The following IGLON5 variants were observed in gnomAD, a reference collection of about 807,000 sequenced individuals.
IGLON5 encodes Ig-like domain-containing protein ENSP00000270642.
A neutral mutation model predicts 38.2 loss-of-function variants in IGLON5; 16 were observed. The ratio of observed to expected loss-of-function variants is 0.42; its 90% CI spans 0.28 to 0.64. The LOEUF is 0.64. IGLON5 is among the 30% of genes least tolerant of loss of function. The probability of loss-of-function intolerance (pLI) is 0.23; values close to 1 mark genes in which losing one functional copy is unlikely to be tolerated. For missense variants in IGLON5, 366 were observed against 483.4 expected, an observed-to-expected ratio of 0.76 and a Z score of 2.28; for synonymous variants, 207 against 216.4, an observed-to-expected ratio of 0.96 and a Z score of 0.38.
At position 51,326,762 on chromosome 19, in the gene IGLON5, A is replaced by G; in HGVS notation, c.512-2A>G. ...GCCCCCTCCTCCTCCTTCCCCCCAC[A>G]GACGGCTTCACCTCGGAGGGAGAGA... On this transcript the variant is annotated splice_acceptor_variant, in intron 4 of 7. Coordinates refer to ENST00000270642, the MANE Select transcript of IGLON5 (RefSeq NM_001101372.3). LOFTEE classifies it high-confidence loss of function. 6.5e-7 allele frequency: 1 copy of G among 1,546,876 alleles called. No homozygotes were observed. Among genetic ancestry groups the G allele is most frequent in the Non-Finnish European group, 8.7e-7 (1 of 1,145,520 alleles).
chr19:51,319,495 A>T (rs1420570965), intron 1 of IGLON5, among the ~76,000 whole-genome samples: 2 of 151,832 alleles, frequency 1.3e-5, no homozygotes, highest in South Asian at 4.1e-4. Context: ...GTTGGGAATC[A>T]TGGTGCTCGC....
chr19:51,313,165 C>T (rs937859608), intron 1 of IGLON5, among the ~76,000 whole-genome samples: 1 of 152,240 alleles, frequency 6.6e-6, no homozygotes, highest in African/African-American at 2.4e-5. Flanking sequence ...CCACGCAGGA[C>T]GCAGGGACCT....
At chr19:51,323,509 C>G (rs1047423872) in intron 2 of IGLON5, among the ~76,000 whole-genome samples, 153 bp from the exon 3 acceptor site, 3 of 152,240 alleles carry the variant, frequency 2.0e-5, no homozygotes, top group Non-Finnish European at 4.4e-5. Context: ...TCAACTTACC[C>G]CCAGCTGTAT....
Position 51,327,968 on chromosome 19 carries a change from C to T in IGLON5, c.922+82C>T, listed in dbSNP as rs1414582716. The T allele has an allele frequency of 7.2e-7, 1 of 1,381,442 alleles. No homozygotes were observed. Among genetic ancestry groups the T allele is most frequent in the Non-Finnish European group, 9.5e-7 (1 of 1,053,116 alleles). 85.6% of individuals were successfully genotyped at this position (1,381,442 alleles called of 1,614,324 possible). The stretch of plus-strand genomic sequence containing the variant: ...GGGAAGTGGAGACGCCGGGACCGCC[C>T]TTCAGGCTGGCCCTGAACTTAGGAG... On this transcript the variant is annotated intron_variant, in intron 7 of 7. Coordinates refer to ENST00000270642, the MANE Select transcript of IGLON5 (RefSeq NM_001101372.3). The surrounding 1 kb of genome is among the most constrained non-coding windows in gnomAD (Gnocchi z 7.1).
intron 2 of IGLON5, 111 bp downstream of exon 2, chr19:51,322,253 T>C (rs1355650531): frequency 2.3e-6 from 2 of 866,114 alleles, no homozygotes; most frequent in Non-Finnish European, 3.8e-6. Flanking sequence ...ATGGGAAGAC[T>C]TGGGCTCCAC....
intron 1 of IGLON5, among the ~76,000 whole-genome samples, chr19:51,313,882 T>C (rs1323746643): frequency 3.3e-5 from 5 of 151,508 alleles, no homozygotes; most frequent in Non-Finnish European, 7.4e-5. Flanking sequence ...CCACCACACC[T>C]GGCTAATTTT....
chr19:51,312,070 T>TG (rs1984780031), intron 1 of IGLON5, 144 bp downstream of exon 1: 1 of 386,234 alleles, frequency 2.6e-6, no homozygotes. Context: ...GGCCCGGGGG[T>TG]GGGGTCTGCA....
chr19:51,322,131 C>G lies in IGLON5; in HGVS notation c.147C>G (p.Asn49Lys). Residue 49 changes from asparagine to lysine, a missense_variant, in exon 2 of 8, where the codon AAC becomes AAG. Transcript: ENST00000270642. ...ACTACACAGTGTGTGAAGGTGACAACGCCACCCTCAGGTACCTCCCTCGGT... is the reference window on the plus strand; with the variant it reads ...ACTACACAGTGTGTGAAGGTGACAAGGCCACCCTCAGGTACCTCCCTCGGT... Reference protein sequence around the residue: ...ADNYTVCEGDNATLSCFIDEH... With the variant: ...ADNYTVCEGDKATLSCFIDEH... The G allele has an allele frequency of 6.2e-7, 1 of 1,612,048 alleles. No individual in the cohort carries two copies. The highest frequency in any genetic ancestry group is 8.5e-7 in the Non-Finnish European group (1 of 1,179,040).
chr19:51,314,518 G>A (rs867319954), intron 1 of IGLON5, among the ~76,000 whole-genome samples: 3 of 152,074 alleles, frequency 2.0e-5, no homozygotes, highest in South Asian at 2.1e-4. Flanking sequence ...AAATCATTAC[G>A]GGGCTAGACT....
intron 1 of IGLON5, among the ~76,000 whole-genome samples, chr19:51,319,141 C>A (rs1356612249): frequency 1.3e-5 from 2 of 152,190 alleles, no homozygotes; most frequent in African/African-American, 4.8e-5. Context: ...ATAGCAAATC[C>A]TGTGTGTCTG....
chr19:51,315,735 G>A (rs1235607760), intron 1 of IGLON5, among the ~76,000 whole-genome samples: 10 of 124,198 alleles, frequency 8.1e-5, no homozygotes, highest in Admixed American at 4.1e-4. Flanking sequence ...TTGCTCTGTC[G>A]CCCAGGCTGG....
At position 51,326,106 on chromosome 19, in the gene IGLON5, C is replaced by T. The variant is rs774454518; in HGVS notation, c.511+641C>T. On this transcript the variant is annotated intron_variant, in intron 4 of 7. Coordinates refer to ENST00000270642, the MANE Select transcript of IGLON5 (RefSeq NM_001101372.3). ...GCCCTTTTATGTGGATCTCCACCAC[C>T]AGATCCCAGATCCCTGGATCCTCAT... Among the ~76,000 whole-genome samples the T allele has an allele frequency of 3.0e-4, 45 of 152,154 alleles. 1 individual carries two copies. The highest frequency in any genetic ancestry group is 6.5e-4 in the Admixed American group (10 of 15,288).
At chr19:51,315,937 G>T (rs1290612967) in intron 1 of IGLON5, among the ~76,000 whole-genome samples, 1 of 151,826 alleles carries the variant, frequency 6.6e-6, no homozygotes, top group Non-Finnish European at 1.5e-5. Context: ...CTCATGATCC[G>T]CCCGTCTTGG....
In IGLON5 at chr19:51,327,896, C is replaced by G; in HGVS notation, c.922+10C>G. Reference sequence around the variant, plus strand: ...TCCATGCGGCTCCTGCGTGCGTCTTCGGGCGGGGCGGGGCCGGGAAGGTGG... The same window carrying G: ...TCCATGCGGCTCCTGCGTGCGTCTTGGGGCGGGGCGGGGCCGGGAAGGTGG... On this transcript the variant is annotated intron_variant, in intron 7 of 7. Transcript: ENST00000270642. This position sits in a 1 kb window ranked among gnomAD's most constrained non-coding sequence, Gnocchi z 7.1. 1.2e-6 allele frequency: 1 copy of G among 868,148 alleles called. No homozygotes were observed. The highest frequency in any genetic ancestry group is 1.5e-6 in the Non-Finnish European group (1 of 645,178). The allele number at this position is 868,148 out of a possible 1,614,324, so 53.8% of individuals were successfully genotyped here.
intron 2 of IGLON5, among the ~76,000 whole-genome samples, chr19:51,322,404 C>CCAGAGAGAGACT (rs1471594894): frequency 2.3e-4 from 34 of 146,108 alleles, no homozygotes; most frequent in African/African-American, 9.2e-4. Flanking sequence ...GGACAGAGAC[C>CCAGAGAGAGACT]CAGAGAGAAG....
At chr19:51,319,591 G>A (rs1412331562) in intron 1 of IGLON5, among the ~76,000 whole-genome samples, 2 of 152,184 alleles carry the variant, frequency 1.3e-5, no homozygotes, top group East Asian at 1.9e-4. Context: ...GTAATTGTGT[G>A]TGGACTTTGC....
intron 1 of IGLON5, among the ~76,000 whole-genome samples, chr19:51,318,165 G>A (rs770039715): frequency 5.3e-5 from 8 of 152,186 alleles, no homozygotes; most frequent in Non-Finnish European, 1.0e-4. Context: ...ATTTGCATTG[G>A]GGTCTTGAAG....
In IGLON5 at chr19:51,325,303, G is replaced by A. The variant is rs763684580; in HGVS notation, c.392-43G>A. ...CTGAAGGAGGAAGGGCTGGGGGCCT[G>A]GATTCCTGGGCATCCATATTCAGCC... On this transcript the variant is annotated intron_variant, in intron 3 of 7. Transcript: ENST00000270642. This position sits in a 1 kb window ranked among gnomAD's most constrained non-coding sequence, Gnocchi z 5.5. 4.2e-5 allele frequency: 67 copies of A among 1,599,544 alleles called. No homozygotes were observed. The highest frequency in any genetic ancestry group is 5.0e-5 in the Non-Finnish European group (59 of 1,173,574).
At chr19:51,322,361 C>CACAGAGAGGGACAGAGACCCAGAG (rs1985082577) in intron 2 of IGLON5, among the ~76,000 whole-genome samples, 1 of 150,984 alleles carries the variant, frequency 6.6e-6, no homozygotes, top group African/African-American at 2.5e-5. Flanking sequence ...GAGACACACA[C>CACAGAGAGGGACAGAGACCCAGAG]AGAGAGAGGG....
Sources: allele counts gnomAD v4.1 joint callset (sites outside exome capture counted in the v4.1 genomes callset), GRCh38; gene constraint gnomAD v4.1.1; non-coding constraint Gnocchi (gnomAD v3.1); transcripts MANE v1.5; gene names NCBI Gene and HGNC (gene_info 2026-07-23, HGNC 2026-07-21).